FTCDNL1: variants seen among roughly 807,000 people sequenced by gnomAD.
The protein encoded by FTCDNL1 is formiminotransferase cyclodeaminase N-terminal like, also known as formiminotransferase N-terminal subdomain-containing protein.
Under a neutral mutation model 5.9 loss-of-function variants are expected in FTCDNL1, and 11 were observed. The observed-to-expected ratio is 1.87, with a 90% CI of 1.18 to 3.10. FTCDNL1 has a LOEUF of 3.10. Among genes scored for constraint, FTCDNL1 ranks in the 30% most tolerant of loss-of-function variants. The pLI is 0.00. For missense variants in FTCDNL1, 115 were observed against 65.5 expected, an observed-to-expected ratio of 1.76 and a Z score of -2.61; for synonymous variants, 58 against 24.8, an observed-to-expected ratio of 2.34 and a Z score of -3.99.
the FTCDNL1 span, among the ~76,000 whole-genome samples, chr2:199,686,219 T>TTTTC: frequency 0.74 from 112,053 of 151,504 alleles, 42,093 homozygotes; most frequent in South Asian, 0.9. Flanking sequence ...TCACATTTAT[T>TTTTC]TTTGTTATGC....
the FTCDNL1 span, among the ~76,000 whole-genome samples, chr2:199,731,145 A>G: frequency 6.6e-6 from 1 of 152,224 alleles, no homozygotes; most frequent in South Asian, 2.1e-4. Context: ...TTGAACAATG[A>G]GATCACATGG....
chr2:199,751,195 G>A, the FTCDNL1 span, among the ~76,000 whole-genome samples: 1 of 152,196 alleles, frequency 6.6e-6, no homozygotes, highest in Non-Finnish European at 1.5e-5. Flanking sequence ...TCACAGGAGT[G>A]TGGTGATAAT....
the FTCDNL1 span, among the ~76,000 whole-genome samples, chr2:199,674,675 A>T: frequency 6.6e-6 from 1 of 152,206 alleles, no homozygotes. Flanking sequence ...ATGTCCTCAT[A>T]TGCACACTTT....
At chr2:199,827,314 G>GA (rs1484142436) in intron 3 of FTCDNL1, among the ~76,000 whole-genome samples, 1 of 152,144 alleles carries the variant, frequency 6.6e-6, no homozygotes, top group Non-Finnish European at 1.5e-5. Flanking sequence ...AAATGGCAGG[G>GA]AAAAAACTGG....
chr2:199,671,067 C>A, the FTCDNL1 span, among the ~76,000 whole-genome samples: 1 of 151,674 alleles, frequency 6.6e-6, no homozygotes, highest in Non-Finnish European at 1.5e-5. Context: ...CCATAAATGG[C>A]AAGTGTCAAG....
chr2:199,756,060 GGTATGTTGGAACAGTGACTAAAAGAAAA>G (rs1698062856), downstream of FTCDNL1, among the ~76,000 whole-genome samples: 1 of 152,024 alleles, frequency 6.6e-6, no homozygotes, highest in East Asian at 1.9e-4. Flanking sequence ...TATGAATATG[GGTATGTTGGAACAGTGACTAAAAGAAAA>G]GTCTTATACT....
At chr2:199,832,835 G>T (rs1241717036) in intron 3 of FTCDNL1, among the ~76,000 whole-genome samples, 2 of 152,068 alleles carry the variant, frequency 1.3e-5, no homozygotes, top group East Asian at 1.9e-4. Flanking sequence ...ATCCTGATAG[G>T]ATGACACTAT....
At chr2:199,786,459 C>A (rs1699655577) in intron 3 of FTCDNL1, among the ~76,000 whole-genome samples, 1 of 152,032 alleles carries the variant, frequency 6.6e-6, no homozygotes, top group Admixed American at 6.5e-5. Context: ...CTAGCCCTTA[C>A]TAAAAACCTT....
At chr2:199,678,215 A>C in the FTCDNL1 span, among the ~76,000 whole-genome samples, 1 of 152,198 alleles carries the variant, frequency 6.6e-6, no homozygotes, top group African/African-American at 2.4e-5. Flanking sequence ...CAGAGAGGAC[A>C]ATAAAAGAGG....
chr2:199,774,603 C>G (rs571111431), intron 3 of FTCDNL1, among the ~76,000 whole-genome samples: 1 of 152,182 alleles, frequency 6.6e-6, no homozygotes, highest in African/African-American at 2.4e-5. Context: ...CCAGGCAAAA[C>G]GGGTTTTAAG....
the FTCDNL1 span, among the ~76,000 whole-genome samples, chr2:199,702,320 C>T: frequency 1.3e-5 from 2 of 152,016 alleles, no homozygotes; most frequent in Admixed American, 1.3e-4. Context: ...ATATTTCCAC[C>T]AAAGTCTTAA....
At chr2:199,845,833 C>CAAA (rs750888679) in intron 3 of FTCDNL1, among the ~76,000 whole-genome samples, 2 of 100,440 alleles carry the variant, frequency 2.0e-5, no homozygotes, top group African/African-American at 7.4e-5. Flanking sequence ...TCACCTTCAG[C>CAAA]AAAAAAAAAA....
At chr2:199,714,924 CA>C in the FTCDNL1 span, among the ~76,000 whole-genome samples, 1 of 143,710 alleles carries the variant, frequency 7.0e-6, no homozygotes, top group Non-Finnish European at 1.5e-5. Context: ...AGGGGAACAT[CA>C]CACACCGGGG....
At chr2:199,758,451 CAAAAA>C (rs754047700), downstream of FTCDNL1, among the ~76,000 whole-genome samples, 5 of 93,258 alleles carry the variant, frequency 5.4e-5, no homozygotes, top group African/African-American at 1.9e-4. Context: ...CCATTCCCAC[CAAAAA>C]AAAAAAAAAA....
rs374046209 is a variant in FTCDNL1, at chr2:199,762,509, T to C, written c.212-1674A>G. 1.6e-4 allele frequency among the ~76,000 whole-genome samples: 24 copies of C among 152,282 alleles called. No individual in the cohort carries two copies. In the South Asian group the frequency reaches 1.7e-3, roughly 11 times the overall value. On this transcript the variant is annotated intron_variant, in intron 3 of 3. Transcript: ENST00000416668. ...TGCTTATCTTTCCCCTACTGAAAAATAAGTTCCAGGAAAACTGGGGTCTCT... is the reference window on the plus strand; with the variant it reads ...TGCTTATCTTTCCCCTACTGAAAAACAAGTTCCAGGAAAACTGGGGTCTCT...
chr2:199,727,417 A>T, the FTCDNL1 span, among the ~76,000 whole-genome samples: 32 of 152,150 alleles, frequency 2.1e-4, no homozygotes, highest in African/African-American at 6.7e-4. Flanking sequence ...GACTCACAAG[A>T]GGATCTCCTG....
chr2:199,711,729 T>G, the FTCDNL1 span, among the ~76,000 whole-genome samples: 1 of 152,148 alleles, frequency 6.6e-6, no homozygotes, highest in African/African-American at 2.4e-5. Context: ...AGAAGGGACA[T>G]TGCAGTCCTC....
At chr2:199,817,822 TA>T (rs372495477) in intron 4 of FTCDNL1, among the ~76,000 whole-genome samples, 89 of 150,104 alleles carry the variant, frequency 5.9e-4, no homozygotes, top group African/African-American at 2.1e-3. Context: ...CAATATAAAA[TA>T]GATAATGATG....
At chr2:199,782,644 A>G (rs1559182623) in intron 3 of FTCDNL1, among the ~76,000 whole-genome samples, 1 of 152,172 alleles carries the variant, frequency 6.6e-6, no homozygotes, top group Non-Finnish European at 1.5e-5. Context: ...GGTGGACCTG[A>G]ACCAGAACTC....
Sources: gnomAD v4.1 joint callset for allele counts (sites outside exome capture counted in the v4.1 genomes callset) on GRCh38, gnomAD v4.1.1 for gene constraint, MANE v1.5 for transcripts, NCBI Gene and HGNC (gene_info 2026-07-23, HGNC 2026-07-21) for gene names.